Variants in MYRIP observed in about 807,000 individuals in gnomAD.
MYRIP encodes the protein myosin VIIA and Rab interacting protein, also known as rab effector MyRIP.
A neutral mutation model predicts 98.0 loss-of-function variants in MYRIP; 49 were observed. The ratio of observed to expected loss-of-function variants is 0.50; its 90% CI spans 0.40 to 0.63. The LOEUF (loss-of-function observed/expected upper bound fraction) is 0.63. Among genes scored for constraint, MYRIP ranks in the 30% least tolerant of loss-of-function variants. The pLI is 0.00. For missense variants in MYRIP, 1,004 were observed against 1,058.2 expected, an observed-to-expected ratio of 0.95 and a Z score of 0.71; for synonymous variants, 404 against 409.5, an observed-to-expected ratio of 0.99 and a Z score of 0.16.
chr3:39,845,187 T>A (rs1941925620), intron 1 of MYRIP, among the ~76,000 whole-genome samples: 2 of 152,162 alleles, frequency 1.3e-5, no homozygotes, highest in South Asian at 4.1e-4. Context: ...CTGGTGGTTG[T>A]GACTGAAGAT....
At chr3:39,860,374 G>A (rs956247945) in intron 1 of MYRIP, among the ~76,000 whole-genome samples, 1 of 152,208 alleles carries the variant, frequency 6.6e-6, no homozygotes, top group Non-Finnish European at 1.5e-5. Context: ...GTTTGATATG[G>A]CAGCATCTCT....
At chr3:40,154,730 CA>C (rs1950185799) in intron 4 of MYRIP, among the ~76,000 whole-genome samples, 1 of 152,064 alleles carries the variant, frequency 6.6e-6, no homozygotes, top group Non-Finnish European at 1.5e-5. Flanking sequence ...CCCCAGGATG[CA>C]TTGTTCCCCC....
chr3:40,190,489 G>A (rs1242785587), intron 10 of MYRIP, 26 bp downstream of exon 10: 3 of 1,552,626 alleles, frequency 1.9e-6, no homozygotes, highest in Non-Finnish European at 2.6e-6. Context: ...GCGTGCAAAT[G>A]CACACACACT....
At chr3:40,091,107 A>C (rs1317178580) in intron 3 of MYRIP, among the ~76,000 whole-genome samples, 2 of 152,142 alleles carry the variant, frequency 1.3e-5, no homozygotes, top group Non-Finnish European at 2.9e-5. Context: ...TTCTGTGTTC[A>C]CCACTCCTTT....
chr3:39,866,501 G>A lies in MYRIP; in HGVS notation c.-30-34286G>A, dbSNP rs187480391. Among the ~76,000 whole-genome samples the A allele has an allele frequency of 2.0e-5, 3 of 151,944 alleles. 1 individual carries two copies. The highest frequency in any genetic ancestry group is 1.3e-4 in the Admixed American group (2 of 15,266). On this transcript the variant is annotated intron_variant, in intron 1 of 16. Transcript: ENST00000302541. The stretch of plus-strand genomic sequence containing the variant: ...AAATTTTTTTTTGAGACGGAGTTTC[G>A]CTCTTGTTGCCGAGGCTGGGGTGTA...
chr3:40,217,916 A>G (rs1237414254), intron 11 of MYRIP, among the ~76,000 whole-genome samples: 2 of 152,200 alleles, frequency 1.3e-5, no homozygotes, highest in Non-Finnish European at 2.9e-5. Flanking sequence ...TGATGACTTT[A>G]GATTCCTGAG....
rs371598414 is a variant in MYRIP, at chr3:40,205,093, C to T, written c.1666-4761C>T. ...CAGGAAGGACCCTGGAGCCCCCCTT[C>T]GGCCTCCCTTGGAAGCCTCTCATCA... On this transcript the variant is annotated intron_variant, in intron 10 of 16. Transcript: ENST00000302541. Among the ~76,000 whole-genome samples, 184 of 152,284 alleles carry T rather than the reference C, an allele frequency of 1.2e-3. 1 individual carries two copies. In the Middle Eastern group the frequency reaches 0.024, roughly 20 times the overall value.
At position 40,088,356 on chromosome 3, in the gene MYRIP, T is replaced by G. The variant is rs574556133; in HGVS notation, c.332+44085T>G. 1.2e-3 allele frequency among the ~76,000 whole-genome samples: 179 copies of G among 152,330 alleles called. 2 individuals are homozygous for G. In the South Asian group the frequency reaches 0.035, roughly 30 times the overall value. ...CAGGACTGGAGCTAAGAACATAAGC[T>G]GAAGGATCAGTCAATACAACTATGA... On this transcript the variant is annotated intron_variant, in intron 3 of 16. Transcript: ENST00000302541.
chr3:40,023,241 T>A (rs886905457), intron 2 of MYRIP, among the ~76,000 whole-genome samples: 2 of 152,194 alleles, frequency 1.3e-5, no homozygotes, highest in Non-Finnish European at 2.9e-5. Flanking sequence ...TTTAAAAAAA[T>A]CTGGATTTGA....
At chr3:39,961,442 G>A (rs1945323699) in intron 2 of MYRIP, among the ~76,000 whole-genome samples, 1 of 152,150 alleles carries the variant, frequency 6.6e-6, no homozygotes, top group Non-Finnish European at 1.5e-5. Context: ...AACAAGAAGA[G>A]ATCAACTCAT....
rs548912910 is a variant in MYRIP at position 39,962,447 on chromosome 3, G to A, written c.110+61521G>A. 8.0e-5 allele frequency among the ~76,000 whole-genome samples: 10 copies of A among 124,676 alleles called. No homozygotes were observed. In the East Asian group the frequency reaches 2.3e-3, roughly 29 times the overall value. 81.8% of individuals were successfully genotyped at this position (124,676 alleles called of 152,430 possible). On this transcript the variant is annotated intron_variant, in intron 2 of 16. Coordinates refer to ENST00000302541, the MANE Select transcript of MYRIP (RefSeq NM_015460.4). ...AAGCACTAATGGCTACATGGTCTCT[G>A]GGCTAGTTTTTTTTTTTTTTCCACT...
intron 1 of MYRIP, among the ~76,000 whole-genome samples, chr3:39,821,015 C>G (rs755994765): frequency 6.6e-6 from 1 of 152,108 alleles, no homozygotes. Context: ...TTCCCCTTCT[C>G]TTTTATAAAT....
chr3:39,933,807 C>T (rs6783502), intron 2 of MYRIP, among the ~76,000 whole-genome samples: 56,378 of 152,080 alleles, frequency 0.37, 10,775 homozygotes, highest in East Asian at 0.45. Flanking sequence ...TATTGTTGTT[C>T]TCCTTTTATA....
chr3:39,827,011 CT>C (rs1206815065), intron 1 of MYRIP, among the ~76,000 whole-genome samples: 2 of 152,136 alleles, frequency 1.3e-5, no homozygotes, highest in Non-Finnish European at 2.9e-5. Context: ...AAGGGAATAT[CT>C]TTTTTCACCC....
At chr3:40,230,646 C>A (rs1367989886) in intron 11 of MYRIP, among the ~76,000 whole-genome samples, 1 of 152,156 alleles carries the variant, frequency 6.6e-6, no homozygotes, top group African/African-American at 2.4e-5. Context: ...CACCCACCCT[C>A]AGGTGCAAGC....
intron 1 of MYRIP, among the ~76,000 whole-genome samples, chr3:39,891,790 A>G (rs1943494261): frequency 6.6e-6 from 1 of 152,118 alleles, no homozygotes; most frequent in African/African-American, 2.4e-5. Context: ...AATAAAAATA[A>G]TATATCTTTT....
rs1212219449 is a variant in MYRIP, at chr3:40,157,305, T to G, written c.470-5425T>G. Reference sequence around the variant, plus strand: ...TATATGCTGGATTACATTTATTGATTTGCGTATATTGAACCAGCCTTGCAT... The same window carrying G: ...TATATGCTGGATTACATTTATTGATGTGCGTATATTGAACCAGCCTTGCAT... On this transcript the variant is annotated intron_variant, in intron 4 of 16. Transcript: ENST00000302541. 6.6e-4 allele frequency among the ~76,000 whole-genome samples: 88 copies of G among 133,004 alleles called. 1 individual carries two copies. Among genetic ancestry groups the G allele is most frequent in the African/African-American group, 2.1e-3 (73 of 34,260 alleles). The allele number at this position is 133,004 out of a possible 152,430, so 87.3% of individuals were successfully genotyped here.
chr3:40,021,174 TA>T (rs945536732), intron 2 of MYRIP, among the ~76,000 whole-genome samples: 6 of 152,224 alleles, frequency 3.9e-5, no homozygotes, highest in African/African-American at 7.2e-5. Context: ...AAGATGCTTT[TA>T]AAAAACATTC....
At chr3:40,164,811 C>T (rs1415873959) in intron 5 of MYRIP, among the ~76,000 whole-genome samples, 1 of 152,210 alleles carries the variant, frequency 6.6e-6, no homozygotes, top group African/African-American at 2.4e-5. Flanking sequence ...CATCCAAAGC[C>T]TTCCTAGTTA....
Sources: gnomAD v4.1 joint callset for allele counts (sites outside exome capture counted in the v4.1 genomes callset) on GRCh38, gnomAD v4.1.1 for gene constraint, MANE v1.5 for transcripts, NCBI Gene and HGNC (gene_info 2026-07-23, HGNC 2026-07-21) for gene names.